The following ANO4 variants were observed in gnomAD, a reference collection of about 807,000 sequenced individuals.
ANO4 encodes anoctamin 4.
Under a neutral mutation model 141.9 loss-of-function variants are expected in ANO4, and 69 were observed. The observed-to-expected ratio is 0.49, with a 90% CI of 0.40 to 0.59. The LOEUF (loss-of-function observed/expected upper bound fraction) is 0.59. Ranked by LOEUF, ANO4 falls within the 20% of genes least tolerant of loss-of-function variation. The pLI is 0.00. For synonymous variants in ANO4, 350 were observed against 394.3 expected, an observed-to-expected ratio of 0.89 and a Z score of 1.33; for missense variants, 894 against 1,162.2, an observed-to-expected ratio of 0.77 and a Z score of 3.36.
At chr12:100,946,585 G>T (rs2042733604) in intron 5 of ANO4, among the ~76,000 whole-genome samples, 1 of 152,216 alleles carries the variant, frequency 6.6e-6, no homozygotes, top group Non-Finnish European at 1.5e-5. Flanking sequence ...GGAGAAGACA[G>T]TTGCCACTTA....
chr12:101,075,699 T>G (rs1477190228), intron 14 of ANO4, among the ~76,000 whole-genome samples: 1 of 124,482 alleles, frequency 8.0e-6, no homozygotes, highest in Admixed American at 9.2e-5. Context: ...AAGATACATA[T>G]ATCTTTATAT....
intron 22 of ANO4, among the ~76,000 whole-genome samples, chr12:101,102,241 T>A (rs888833728): frequency 2.6e-5 from 4 of 152,190 alleles, no homozygotes; most frequent in Non-Finnish European, 5.9e-5. Context: ...AGAATTTACA[T>A]AAGAGTGGAG....
intron 8 of ANO4, among the ~76,000 whole-genome samples, chr12:100,989,410 C>A (rs1022914540): frequency 1.3e-5 from 2 of 152,220 alleles, no homozygotes; most frequent in Admixed American, 1.3e-4. Context: ...CCTAATTCTT[C>A]CGGAATGATG....
chr12:100,871,038 T>C (rs909653932), intron 1 of ANO4, among the ~76,000 whole-genome samples: 1 of 152,184 alleles, frequency 6.6e-6, no homozygotes, highest in African/African-American at 2.4e-5. Flanking sequence ...CCTCTTAACA[T>C]CACTATTTCC....
chr12:100,926,602 T>TTGTGTGTGTGTGTGTGTGTGTG (rs3059281), intron 3 of ANO4, among the ~76,000 whole-genome samples: 3 of 147,406 alleles, frequency 2.0e-5, no homozygotes, highest in Admixed American at 6.8e-5. Context: ...AAGGGTGTGT[T>TTGTGTGTGTGTGTGTGTGTGTG]TGTGTGTGTG....
intron 9 of ANO4, among the ~76,000 whole-genome samples, chr12:101,026,974 T>C (rs1362291881): frequency 6.6e-6 from 1 of 152,078 alleles, no homozygotes; most frequent in African/African-American, 2.4e-5. Flanking sequence ...ACAGAAGTGA[T>C]CAGAGGCTCC....
chr12:100,785,730 A>T (rs10083147), intron 3 of ANO4, among the ~76,000 whole-genome samples: 60,174 of 151,996 alleles, frequency 0.4, 12,394 homozygotes, highest in Middle Eastern at 0.5. Flanking sequence ...TTTTACGTGG[A>T]CATAAGTTTT....
upstream of ANO4, among the ~76,000 whole-genome samples, chr12:100,792,997 A>G (rs2034106444): frequency 1.3e-5 from 2 of 152,238 alleles, no homozygotes; most frequent in African/African-American, 4.8e-5. Flanking sequence ...AGGCTAATTC[A>G]GAGCTTTGAG....
chr12:100,897,898 C>T (rs1391371252), intron 1 of ANO4, among the ~76,000 whole-genome samples: 1 of 152,204 alleles, frequency 6.6e-6, no homozygotes, highest in East Asian at 1.9e-4. Context: ...TCTGGGCTTC[C>T]AATCTGTCCC....
In ANO4 at chr12:100,994,030, T is replaced by C. The variant is rs2045261126; in HGVS notation, c.734+6360T>C. ...AAGAGTCCTGTGCAGTGTAGGATAGTAAGCAGCATCTTTAGCCACTAGATG... is the reference window on the plus strand; with the variant it reads ...AAGAGTCCTGTGCAGTGTAGGATAGCAAGCAGCATCTTTAGCCACTAGATG... On this transcript the variant is annotated intron_variant, in intron 8 of 27. Transcript: ENST00000392977. Among the ~76,000 whole-genome samples, 3 of 152,148 alleles carry C rather than the reference T, an allele frequency of 2.0e-5. No individual in the cohort carries two copies. The South Asian group carries it at 6.2e-4, about 32-fold the overall frequency.
At chr12:100,917,043 C>T (rs1389494965) in intron 2 of ANO4, among the ~76,000 whole-genome samples, 1 of 151,340 alleles carries the variant, frequency 6.6e-6, no homozygotes, top group Admixed American at 6.6e-5. Context: ...TATTGCTTGT[C>T]CAGCTAAAGA....
At chr12:100,829,874 A>T (rs569974946) in intron 1 of ANO4, among the ~76,000 whole-genome samples, 1 of 152,128 alleles carries the variant, frequency 6.6e-6, no homozygotes, top group East Asian at 1.9e-4. Context: ...ATGTAAAATC[A>T]TTGTTCCTCC....
chr12:100,871,608 G>A (rs1438778466), intron 1 of ANO4, among the ~76,000 whole-genome samples: 2 of 152,194 alleles, frequency 1.3e-5, no homozygotes, highest in Admixed American at 1.3e-4. Flanking sequence ...CACTCTGATT[G>A]GGTGGCTTAC....
intron 24 of ANO4, among the ~76,000 whole-genome samples, chr12:101,113,813 G>A (rs1252054703): frequency 6.6e-6 from 1 of 151,978 alleles, no homozygotes; most frequent in Non-Finnish European, 1.5e-5. Flanking sequence ...TGGCTTTCAC[G>A]GTAGAATTCT....
chr12:100,804,576 A>G (rs1250623914), intron 1 of ANO4, among the ~76,000 whole-genome samples: 2 of 152,204 alleles, frequency 1.3e-5, no homozygotes, highest in Admixed American at 6.5e-5. Context: ...CAACAATGTA[A>G]AAGCAGTCCA....
At chr12:100,838,633 A>T (rs189636520) in intron 1 of ANO4, among the ~76,000 whole-genome samples, 1 of 152,288 alleles carries the variant, frequency 6.6e-6, no homozygotes, top group East Asian at 1.9e-4. Flanking sequence ...ATCAGGTCAG[A>T]TGTGTGGAGA....
chr12:100,830,208 C>G (rs912794521), intron 1 of ANO4, among the ~76,000 whole-genome samples: 9 of 152,018 alleles, frequency 5.9e-5, no homozygotes, highest in Non-Finnish European at 1.0e-4. Context: ...TTTCACTTGT[C>G]AAACCACATT....
intron 1 of ANO4, among the ~76,000 whole-genome samples, chr12:100,717,885 GGA>G (rs1366436335): frequency 1.3e-5 from 2 of 152,208 alleles, no homozygotes; most frequent in Non-Finnish European, 2.9e-5. Context: ...CTTGGAGTTG[GGA>G]GATGTGCGTT....
At chr12:101,013,206 GT>G (rs1383427711) in intron 8 of ANO4, among the ~76,000 whole-genome samples, 1 of 152,134 alleles carries the variant, frequency 6.6e-6, no homozygotes, top group Non-Finnish European at 1.5e-5. Context: ...TTTGGTTTGA[GT>G]TTTTTCTTAG....
Sources: gnomAD v4.1 joint callset for allele counts (sites outside exome capture counted in the v4.1 genomes callset) on GRCh38, gnomAD v4.1.1 for gene constraint, MANE v1.5 for transcripts, NCBI Gene and HGNC (gene_info 2026-07-23, HGNC 2026-07-21) for gene names.